The following DST variants were observed in gnomAD, a reference collection of about 807,000 sequenced individuals.
The protein encoded by DST is dystonin.
In DST, 253 loss-of-function variants were observed where a neutral mutation model predicts 875.2. That is an observed-to-expected ratio of 0.29 (90% CI 0.26 to 0.32). The LOEUF (loss-of-function observed/expected upper bound fraction) is 0.32. Among genes scored for constraint, DST ranks in the 10% least tolerant of loss-of-function variants. The pLI, the probability that DST is intolerant of heterozygous loss-of-function variation, is 1.00. For missense variants in DST, 8,287 were observed against 9,111.6 expected, an observed-to-expected ratio of 0.91 and a Z score of 3.68; for synonymous variants, 3,124 against 3,197.1, an observed-to-expected ratio of 0.98 and a Z score of 0.77.
chr6:56,507,502 G>A (rs2096356005), intron 75 of DST, among the ~76,000 whole-genome samples: 1 of 152,170 alleles, frequency 6.6e-6, no homozygotes, highest in Admixed American at 6.5e-5. Flanking sequence ...AAGTATTACG[G>A]GAACACAGAT....
chr6:56,806,199 T>A lies in DST; in HGVS notation c.625+45198A>T, dbSNP rs146251602. On this transcript the variant is annotated intron_variant, in intron 4 of 103. Coordinates refer to ENST00000680361, the MANE Select transcript of DST (RefSeq NM_001374736.1). Reference sequence around the variant, plus strand: ...ATTTTCTCCCCCACTTTCCCATAAATGAGGCAAAATTTAAAAATATATATT... The same window carrying A: ...ATTTTCTCCCCCACTTTCCCATAAAAGAGGCAAAATTTAAAAATATATATT... Among the ~76,000 whole-genome samples the A allele has an allele frequency of 3.4e-3, 515 of 152,324 alleles. 4 individuals are homozygous for A. Among genetic ancestry groups the A allele is most frequent in the African/African-American group, 0.012 (500 of 41,576 alleles).
rs376863860 is a variant in DST, at chr6:56,639,552, C to T, written c.2757G>A (p.Ala919=). Residue 919 remains alanine (A), a synonymous_variant, in exon 21 of 104, where the codon GCG becomes GCA. Transcript: ENST00000680361. The part of the protein sequence containing the change: ...LDTLHNFVSR[A]TNELIWLNEK... ...CATTCAACCAAATAAGTTCATTAGTCGCACGACTTACAAAATTATGGAGTG... is the reference window on the plus strand; with the variant it reads ...CATTCAACCAAATAAGTTCATTAGTTGCACGACTTACAAAATTATGGAGTG... 8.6e-5 allele frequency: 139 copies of T among 1,613,760 alleles called. No homozygotes were observed. Among genetic ancestry groups the T allele is most frequent in the Non-Finnish European group, 1.0e-4 (123 of 1,179,870 alleles).
rs2094796912 is a variant in DST at position 56,469,888 on chromosome 6, A to G, written c.22546T>C (p.Tyr7516His). Residue 7516 changes from tyrosine (Y) to histidine (H), a missense_variant, in exon 97 of 104, where the codon TAC becomes CAC. Around this residue, in one of 10 missense-constraint regions of DST, gnomAD observed 87 missense variants for 209.7 expected, o/e 0.41. Coordinates refer to ENST00000680361, the MANE Select transcript of DST (RefSeq NM_001374736.1). ...ACATTACTTTGAAAACTTACCCTGT[A>G]TTTATTATCACCAATCTGCTCAACT... is the stretch of plus-strand genomic sequence containing the variant. ...FQVEQIGDNK[Y>H]RFFLGNQFGD... 6.2e-7 allele frequency: 1 copy of G among 1,612,666 alleles called. No homozygotes were observed. Among genetic ancestry groups the G allele is most frequent in the African/African-American group, 1.3e-5 (1 of 74,884 alleles).
chr6:56,730,881 G>A (rs6936824), intron 5 of DST, among the ~76,000 whole-genome samples: 325 of 152,168 alleles, frequency 2.1e-3, no homozygotes, highest in Middle Eastern at 6.8e-3. Context: ...CTGAACTACC[G>A]GAACACTAAA....
intron 100 of DST, 36 bp downstream of exon 100, chr6:56,464,649 G>C (rs1343238834): frequency 1.4e-6 from 2 of 1,415,922 alleles, no homozygotes; most frequent in East Asian, 2.4e-5. Context: ...AAAGAGAAAA[G>C]GAAAGAGGGG....
Position 56,535,260 on chromosome 6 carries a change from G to C in DST, c.16803C>G (p.Ala5601=), listed in dbSNP as rs1374225585. ...CCTGGAACCTCCCACAGTGCAGCAA[G>C]GCCTCCTGCAGCTGGGCTGCTCGCT... The part of the protein sequence containing the change: ...VAQRAAQLQE[A]LLHCGRFQDA... Residue 5601 remains alanine, a synonymous_variant, in exon 63 of 104, where the codon GCC becomes GCG. Transcript: ENST00000680361. 15 of 1,601,552 alleles carry C rather than the reference G, an allele frequency of 9.4e-6. No individual in the cohort carries two copies. Among genetic ancestry groups the C allele is most frequent in the Non-Finnish European group, 1.3e-5 (15 of 1,176,070 alleles).
At chr6:56,843,620 C>T (rs2099803328) in intron 4 of DST, 2 of 984,084 alleles carry the variant, frequency 2.0e-6, no homozygotes, top group Admixed American at 1.2e-4. Context: ...GCGCTGCCTT[C>T]ACCGGGGATG....
At chr6:56,833,586 A>G (rs2099789958) in intron 4 of DST, among the ~76,000 whole-genome samples, 1 of 152,100 alleles carries the variant, frequency 6.6e-6, no homozygotes, top group Admixed American at 6.5e-5. Context: ...CTGCCAACCA[A>G]CTGGATACCT....
At chr6:56,846,432 TC>T (rs1434828182) in intron 4 of DST, among the ~76,000 whole-genome samples, 2 of 152,206 alleles carry the variant, frequency 1.3e-5, no homozygotes, top group Non-Finnish European at 2.9e-5. Flanking sequence ...AGGACAAAAA[TC>T]CTTTTCTTAA....
intron 28 of DST, 109 bp downstream of exon 28, chr6:56,632,745 A>T: frequency 1.2e-6 from 1 of 862,798 alleles, no homozygotes; most frequent in Non-Finnish European, 1.9e-6. Flanking sequence ...TCTACATATC[A>T]TAGGCTGGGT....
intron 47 of DST, among the ~76,000 whole-genome samples, chr6:56,595,926 G>A (rs2098373428): frequency 6.6e-6 from 1 of 152,074 alleles, no homozygotes; most frequent in African/African-American, 2.4e-5. Context: ...CAGGACATAT[G>A]GGACAACTAC....
chr6:56,527,309 T>C (rs967570711), intron 68 of DST, among the ~76,000 whole-genome samples, 184 bp downstream of exon 68: 1 of 152,090 alleles, frequency 6.6e-6, no homozygotes. Context: ...TAACATACTG[T>C]TTTCATCTCT....
At chr6:56,531,468 G>A (rs546824900) in intron 64 of DST, among the ~76,000 whole-genome samples, 13 of 152,188 alleles carry the variant, frequency 8.5e-5, no homozygotes, top group African/African-American at 3.1e-4. Context: ...ACATATCAGA[G>A]GACAACATGA....
chr6:56,593,725 G>T lies in DST; in HGVS notation c.12664C>A (p.His4222Asn). The change falls in exon 48 of 104, where the codon CAC becomes AAC. Residue 4222 changes from histidine to asparagine, a missense_variant. His to Asn is a moderately conservative substitution (Grantham distance 68). This residue lies in a region of DST where 1,513 missense variants were observed against 1,677.8 expected (regional missense o/e 0.90). Coordinates refer to ENST00000680361, the MANE Select transcript of DST (RefSeq NM_001374736.1). ...TCCAACTTGCGCTGCACTTCTCTGT[G>T]GGTTGCAGAAGTATCAACCTTGCCA... ...DGGKVDTSAT[H>N]REVQRKLDHA... 1 of 1,613,660 alleles carries T rather than the reference G, an allele frequency of 6.2e-7. No homozygotes were observed. Among genetic ancestry groups the T allele is most frequent in the Non-Finnish European group, 8.5e-7 (1 of 1,179,706 alleles).
At chr6:56,826,264 T>G (rs2099780374) in intron 4 of DST, among the ~76,000 whole-genome samples, 1 of 152,228 alleles carries the variant, frequency 6.6e-6, no homozygotes, top group African/African-American at 2.4e-5. Context: ...TACCAGATGG[T>G]CTATTAAGTC....
At chr6:56,799,902 G>T (rs1350079772) in intron 4 of DST, among the ~76,000 whole-genome samples, 1 of 152,114 alleles carries the variant, frequency 6.6e-6, no homozygotes, top group Admixed American at 6.6e-5. Context: ...TGGGATTACA[G>T]GCATGAGCCA....
intron 37 of DST, among the ~76,000 whole-genome samples, chr6:56,612,123 A>C (rs991129781): frequency 1.3e-5 from 2 of 152,212 alleles, no homozygotes; most frequent in Non-Finnish European, 2.9e-5. Flanking sequence ...TAATCCCAGC[A>C]CTTTGGGAGG....
At chr6:56,917,494 T>C (rs1801799900) in intron 2 of DST, among the ~76,000 whole-genome samples, 1 of 152,222 alleles carries the variant, frequency 6.6e-6, no homozygotes, top group African/African-American at 2.4e-5. Context: ...AAACTGTGCA[T>C]AAGAAGTCAC....
At chr6:56,527,857 T>C (rs957707104) in intron 67 of DST, 123 bp from the exon 68 acceptor site, 2 of 1,022,964 alleles carry the variant, frequency 2.0e-6, no homozygotes, top group South Asian at 2.3e-5. Flanking sequence ...TTTCTAAAGA[T>C]AATCTTACTC....
Sources: allele counts gnomAD v4.1 joint callset (sites outside exome capture counted in the v4.1 genomes callset), GRCh38; gene constraint gnomAD v4.1.1; regional missense constraint gnomAD v4.1.1; transcripts MANE v1.5; gene names NCBI Gene and HGNC (gene_info 2026-07-23, HGNC 2026-07-21).